The following PCDHA1 variants were observed in gnomAD, a reference collection of about 807,000 sequenced individuals.
PCDHA1 encodes the protein protocadherin alpha 1.
In PCDHA1, 42 loss-of-function variants were observed where a neutral mutation model predicts 61.3. That is an observed-to-expected ratio of 0.69 (90% CI 0.54 to 0.89). PCDHA1 has a LOEUF of 0.89. Among genes scored for constraint, PCDHA1 ranks in the 40% least tolerant of loss-of-function variants. The probability of loss-of-function intolerance (pLI) is 0.00; values close to 1 mark genes in which losing one functional copy is unlikely to be tolerated. For synonymous variants in PCDHA1, 610 were observed against 553.8 expected (o/e 1.10, Z -1.43); for missense variants, 1,256 against 1,235.3 (o/e 1.02, Z -0.25).
intron 1 of PCDHA1, among the ~76,000 whole-genome samples, chr5:140,970,978 A>G (rs2096449048): frequency 1.3e-5 from 2 of 152,188 alleles, no homozygotes; most frequent in African/African-American, 4.8e-5. Flanking sequence ...ATTAAGAAAA[A>G]TGGGGGAATA....
chr5:140,986,246 C>T (rs561365390), intron 3 of PCDHA1, among the ~76,000 whole-genome samples: 1 of 152,178 alleles, frequency 6.6e-6, no homozygotes, highest in African/African-American at 2.4e-5. Flanking sequence ...TGAGCAGACC[C>T]GGACCACAGG....
chr5:140,863,348 C>T, intron 1 of PCDHA1: 2 of 1,313,382 alleles, frequency 1.5e-6, no homozygotes, highest in Non-Finnish European at 2.1e-6. Flanking sequence ...CTGCTGTACA[C>T]GACGCTGCGG....
At chr5:140,955,552 C>T (rs1554221978) in intron 1 of PCDHA1, among the ~76,000 whole-genome samples, 2 of 152,092 alleles carry the variant, frequency 1.3e-5, no homozygotes, top group African/African-American at 4.8e-5. Flanking sequence ...TTGAGGCCTC[C>T]CCAGCCATAC....
chr5:140,881,012 G>C (rs1445864276), intron 1 of PCDHA1, among the ~76,000 whole-genome samples: 2 of 152,202 alleles, frequency 1.3e-5, no homozygotes, highest in Admixed American at 1.3e-4. Flanking sequence ...CAGAGCTATG[G>C]AAATAAACCC....
intron 1 of PCDHA1, chr5:140,858,085 G>T: frequency 6.3e-7 from 1 of 1,597,828 alleles, no homozygotes; most frequent in South Asian, 1.1e-5. Context: ...AGGCCTCGTC[G>T]CGGGCTTCAG....
At chr5:140,822,452 A>T (rs2150116491) in intron 1 of PCDHA1, 2 of 1,613,774 alleles carry the variant, frequency 1.2e-6, no homozygotes, top group Non-Finnish European at 1.7e-6. Flanking sequence ...GGTACAGTTC[A>T]GTTGTTGATC....
intron 1 of PCDHA1, chr5:140,803,002 G>C (rs1554122512): frequency 6.2e-7 from 1 of 1,614,060 alleles, no homozygotes. Flanking sequence ...GCAGACTCAG[G>C]CTACAACGCG....
rs1378161589 is a variant in PCDHA1 at position 140,853,784 on chromosome 5, G to A, written c.2394+65100G>A. Reference sequence around the variant, plus strand: ...AGAAATTCTGAAATGGGTAGTAAGAGCAAATTTTCATTTTAAAGCACACCT... The same window carrying A: ...AGAAATTCTGAAATGGGTAGTAAGAACAAATTTTCATTTTAAAGCACACCT... On this transcript the variant is annotated intron_variant, in intron 1 of 3. Coordinates refer to ENST00000504120, the MANE Select transcript of PCDHA1 (RefSeq NM_018900.4). The A allele has an allele frequency of 6.1e-6, 6 of 987,548 alleles. 1 individual carries two copies. Among genetic ancestry groups the A allele is most frequent in the Non-Finnish European group, 7.3e-6 (6 of 819,678 alleles). The allele number at this position is 987,548 out of a possible 1,614,324, so 61.2% of individuals were successfully genotyped here.
At chr5:140,855,343 C>A (rs2043435489) in intron 1 of PCDHA1, among the ~76,000 whole-genome samples, 1 of 149,746 alleles carries the variant, frequency 6.7e-6, no homozygotes, top group African/African-American at 2.5e-5. Context: ...ACGATTTTCC[C>A]AAGTCATGTG....
intron 1 of PCDHA1, among the ~76,000 whole-genome samples, chr5:140,964,595 T>G (rs1233382494): frequency 6.6e-6 from 1 of 152,116 alleles, no homozygotes; most frequent in East Asian, 1.9e-4. Context: ...TCACTTTTCA[T>G]GACAACTTAC....
chr5:140,796,393 G>A (rs782361395), intron 1 of PCDHA1: 1 of 1,613,948 alleles, frequency 6.2e-7, no homozygotes, highest in Admixed American at 1.7e-5. Context: ...CATCTTCACG[G>A]TGTCAGCGTG....
intron 1 of PCDHA1, chr5:140,857,675 C>A: frequency 1.3e-6 from 2 of 1,597,044 alleles, no homozygotes; most frequent in Non-Finnish European, 1.7e-6. Context: ...GGGCGTGCCG[C>A]CTCTGGGCAG....
intron 1 of PCDHA1, chr5:140,857,146 CGTCATTGCCCT>C: frequency 6.3e-7 from 1 of 1,598,132 alleles, no homozygotes; most frequent in Non-Finnish European, 8.6e-7. Context: ...AAGTGGGCAC[CGTCATTGCCCT>C]AATCAGCGTT....
intron 1 of PCDHA1, among the ~76,000 whole-genome samples, chr5:140,942,069 A>G (rs1384507706): frequency 1.3e-5 from 2 of 152,234 alleles, no homozygotes; most frequent in Non-Finnish European, 2.9e-5. Flanking sequence ...TAATTGAGCC[A>G]AGAGAGCACA....
intron 1 of PCDHA1, among the ~76,000 whole-genome samples, chr5:140,911,819 A>C (rs2075652599): frequency 6.6e-6 from 1 of 152,164 alleles, no homozygotes; most frequent in Admixed American, 6.6e-5. Context: ...CTTCTCCAGA[A>C]ACCCCAAAAC....
intron 1 of PCDHA1, chr5:140,807,952 T>C: frequency 6.2e-7 from 1 of 1,614,140 alleles, no homozygotes; most frequent in South Asian, 1.1e-5. Flanking sequence ...TAGAAAATGT[T>C]CCTAATGGAA....
intron 1 of PCDHA1, chr5:140,863,305 T>C: frequency 1.4e-6 from 2 of 1,463,102 alleles, no homozygotes; most frequent in Non-Finnish European, 1.9e-6. Context: ...CATCGCCATC[T>C]GCGTGGTGTC....
In PCDHA1 at chr5:140,803,021, G is replaced by A. The variant is rs781966718; in HGVS notation, c.2394+14337G>A. 5 of 1,614,014 alleles carry A rather than the reference G, an allele frequency of 3.1e-6. No homozygotes were observed. In the East Asian group the frequency reaches 8.9e-5, roughly 29 times the overall value. Reference sequence around the variant, plus strand: ...ACTCAGGCTACAACGCGTGGCTTTCGTATGAGCTGCAGCCTGGGACCGGCG... The same window carrying A: ...ACTCAGGCTACAACGCGTGGCTTTCATATGAGCTGCAGCCTGGGACCGGCG... On this transcript the variant is annotated intron_variant, in intron 1 of 3. Coordinates refer to ENST00000504120, the MANE Select transcript of PCDHA1 (RefSeq NM_018900.4).
At position 140,807,960 on chromosome 5, in the gene PCDHA1, G is replaced by A. The variant is rs782007660; in HGVS notation, c.2394+19276G>A. 5 of 1,614,086 alleles carry A rather than the reference G, an allele frequency of 3.1e-6. No homozygotes were observed. In the South Asian group the frequency reaches 4.4e-5, roughly 14 times the overall value. ...AGATTACTAGAAAATGTTCCTAATGGAACATTGGTAATTAAACTTAACGCC... is the reference window on the plus strand; with the variant it reads ...AGATTACTAGAAAATGTTCCTAATGAAACATTGGTAATTAAACTTAACGCC... On this transcript the variant is annotated intron_variant, in intron 1 of 3. Coordinates refer to ENST00000504120, the MANE Select transcript of PCDHA1 (RefSeq NM_018900.4).
Sources: gnomAD v4.1 joint callset for allele counts (sites outside exome capture counted in the v4.1 genomes callset) on GRCh38, gnomAD v4.1.1 for gene constraint, MANE v1.5 for transcripts, NCBI Gene and HGNC (gene_info 2026-07-23, HGNC 2026-07-21) for gene names.